The following MROH1 variants were observed in gnomAD, a reference collection of about 807,000 sequenced individuals.
MROH1 encodes the protein maestro heat-like repeat-containing protein family member 1.
MROH1 carries 117 observed loss-of-function variants against 116.5 expected under a neutral mutation model. That is an observed-to-expected ratio of 1.00 (90% CI 0.86 to 1.17). MROH1 has a LOEUF of 1.17. MROH1 is among the 50% of genes most tolerant of loss of function. The pLI, the probability that MROH1 is intolerant of heterozygous loss-of-function variation, is 0.00. For synonymous variants in MROH1, 921 were observed against 583.9 expected (o/e 1.58, Z -8.32); for missense variants, 1,873 against 1,338.5 (o/e 1.40, Z -6.23).
rs1172765117 is a variant in MROH1, at chr8:144,258,296, G to A, written c.3792-481G>A. Reference sequence around the variant, plus strand: ...CTCCAGCTCTCGGCACCATCCTCCCGCTCACTTGCCAGCCAGCCTCAGCCG... The same window carrying A: ...CTCCAGCTCTCGGCACCATCCTCCCACTCACTTGCCAGCCAGCCTCAGCCG... On this transcript the variant is annotated intron_variant, in intron 35 of 43. Coordinates refer to ENST00000326134, the MANE Select transcript of MROH1 (RefSeq NM_032450.3). Among the ~76,000 whole-genome samples, 11 of 152,276 alleles carry A rather than the reference G, an allele frequency of 7.2e-5. No homozygotes were observed. In the South Asian group the frequency reaches 8.3e-4, roughly 11 times the overall value.
intron 7 of MROH1, among the ~76,000 whole-genome samples, chr8:144,181,996 A>T (rs1001321360): frequency 3.3e-5 from 5 of 152,186 alleles, no homozygotes; most frequent in African/African-American, 1.2e-4. Flanking sequence ...TCCATGTGTC[A>T]AACACATGGG....
intron 7 of MROH1, among the ~76,000 whole-genome samples, chr8:144,189,103 A>C (rs968524445): frequency 6.6e-6 from 1 of 152,228 alleles, no homozygotes; most frequent in Non-Finnish European, 1.5e-5. Context: ...TGTGCTTTGG[A>C]GCAGGGCCTG....
chr8:144,148,760 G>C (rs1297647366), intron 1 of MROH1: 2 of 152,780 alleles, frequency 1.3e-5, no homozygotes, highest in Non-Finnish European at 2.9e-5. Flanking sequence ...TGCAGCTGCA[G>C]TGTGAGGGTC....
At chr8:144,188,307 C>T (rs1196350249) in intron 7 of MROH1, among the ~76,000 whole-genome samples, 1 of 152,132 alleles carries the variant, frequency 6.6e-6, no homozygotes, top group African/African-American at 2.4e-5. Flanking sequence ...AAAGGCTCAC[C>T]CATGGCCCTG....
At chr8:144,213,013 A>T (rs1834490926) in intron 12 of MROH1, 1 of 779,188 alleles carries the variant, frequency 1.3e-6, no homozygotes, top group South Asian at 1.3e-5. Flanking sequence ...ACACCAGAAT[A>T]ACACTGATGT....
In MROH1 at chr8:144,250,235, G is replaced by T; in HGVS notation, c.3297G>T (p.Leu1099=). 1 of 767,988 alleles carries T rather than the reference G, an allele frequency of 1.3e-6. No individual in the cohort carries two copies. 47.6% of individuals were successfully genotyped at this position (767,988 alleles called of 1,614,324 possible). ...AGGTGCCCGAGATCGTGAGCGTCCT[G>T]CGCTCCAAGCTTCAGGAGGCCCAGG... ...QEKVPEIVSV[L]RSKLQEAQGE... is the part of the protein sequence containing the mutation. Residue 1099 remains leucine, a synonymous_variant, in exon 33 of 44, where the codon CTG becomes CTT. Coordinates refer to ENST00000326134, the MANE Select transcript of MROH1 (RefSeq NM_032450.3).
chr8:144,260,654 C>A, intron 39 of MROH1, 23 bp from the exon 40 acceptor site: 1 of 776,854 alleles, frequency 1.3e-6, no homozygotes, highest in Non-Finnish European at 2.4e-6. Context: ...TGTGAGGAGA[C>A]GTATGCTGCA....
Position 144,218,477 on chromosome 8 carries a change from T to C in MROH1, c.1142-2123T>C, listed in dbSNP as rs564887906. ...GTTGCGTGGGTGTTGGCCCTTGAGA[T>C]TTTTTTTCACATCTTTCGTCTTTCT... On this transcript the variant is annotated intron_variant, in intron 12 of 43. Coordinates refer to ENST00000326134, the MANE Select transcript of MROH1 (RefSeq NM_032450.3). Among the ~76,000 whole-genome samples the C allele has an allele frequency of 5.3e-5, 8 of 151,710 alleles. No individual in the cohort carries two copies. The South Asian group carries it at 1.7e-3, about 32-fold the overall frequency.
intron 28 of MROH1, among the ~76,000 whole-genome samples, chr8:144,244,904 C>G (rs2133017616): frequency 6.6e-6 from 1 of 152,318 alleles, no homozygotes; most frequent in South Asian, 2.1e-4. Flanking sequence ...TCCACCCTGT[C>G]CCTCCACAGT....
rs1843605619 is a variant in MROH1 at position 144,255,670 on chromosome 8, T to G, written c.3756T>G (p.Ser1252Arg). ...NLQAQERRGA[S>R]PALATRNLEP... ...AGGCCCAGGAAAGGAGGGGTGCCAG[T>G]CCAGCCCTAGCCACCAGGAACCTGG... The change falls in exon 35 of 44, where the codon AGT becomes AGG. Residue 1252 changes from serine (S) to arginine (R), a missense_variant. Physicochemically the swap from Ser to Arg is moderately radical, Grantham distance 110. Transcript: ENST00000326134. 1 of 766,542 alleles carries G rather than the reference T, an allele frequency of 1.3e-6. No homozygotes were observed. The allele number at this position is 766,542 out of a possible 1,614,324, so 47.5% of individuals were successfully genotyped here. A position where few individuals can be genotyped will look rare whatever the true frequency, so the allele number is the denominator to read the frequency against.
intron 29 of MROH1, among the ~76,000 whole-genome samples, chr8:144,245,889 G>A (rs1185520875): frequency 6.6e-6 from 1 of 151,990 alleles, no homozygotes; most frequent in South Asian, 2.1e-4. Flanking sequence ...TTGAACTCTT[G>A]GGCTCAAGTG....
chr8:144,229,505 G>T (rs1838434700), intron 14 of MROH1, among the ~76,000 whole-genome samples: 3 of 150,436 alleles, frequency 2.0e-5, no homozygotes, highest in African/African-American at 7.4e-5. Flanking sequence ...TCACCCTCCT[G>T]AGTAGCTGGG....
At chr8:144,217,484 G>A (rs1302844823) in intron 12 of MROH1, among the ~76,000 whole-genome samples, 1 of 152,216 alleles carries the variant, frequency 6.6e-6, no homozygotes, top group Non-Finnish European at 1.5e-5. Flanking sequence ...AATCATTTCA[G>A]ATAAGGGAAT....
intron 14 of MROH1, among the ~76,000 whole-genome samples, chr8:144,230,150 C>G (rs1353874414): frequency 6.6e-6 from 1 of 152,174 alleles, no homozygotes; most frequent in African/African-American, 2.4e-5. Flanking sequence ...GAGATGGCTT[C>G]TTTCCTTAAC....
intron 12 of MROH1, chr8:144,200,856 C>G (rs1188269005): frequency 6.1e-6 from 2 of 328,106 alleles, no homozygotes; most frequent in Non-Finnish European, 1.2e-5. Context: ...CCTGAGCCCA[C>G]TGCTCTAGCT....
intron 12 of MROH1, among the ~76,000 whole-genome samples, chr8:144,216,927 A>C (rs1322096247): frequency 6.6e-6 from 1 of 152,018 alleles, no homozygotes; most frequent in African/African-American, 2.4e-5. Context: ...TGACCTCCTG[A>C]TCCATCCGCC....
chr8:144,246,316 C>A (rs1841919796), intron 29 of MROH1, among the ~76,000 whole-genome samples: 2 of 151,802 alleles, frequency 1.3e-5, no homozygotes, highest in African/African-American at 2.4e-5. Flanking sequence ...ATCCTGTTGG[C>A]CTTGAACTGG....
chr8:144,159,765 A>ATT (rs1161961224), intron 1 of MROH1, among the ~76,000 whole-genome samples: 2,382 of 123,678 alleles, frequency 0.019, 88 homozygotes, highest in Middle Eastern at 0.028. Flanking sequence ...ACGCCTGGTA[A>ATT]TTTTTTTTTT....
At position 144,259,972 on chromosome 8, in the gene MROH1, C is replaced by T. The variant is rs889028260; in HGVS notation, c.4106C>T (p.Ala1369Val). ...MLLDSLLESL[A>V]ARQKDTCASV... ...TTGGACTCGCTGCTGGAGAGCCTGG[C>T]GGCTCGCCAGAAGGACACATGCGCC... The change falls in exon 38 of 44, where the codon GCG (alanine) becomes GTG (valine). Residue 1369 changes from alanine to valine, a missense_variant. Ala to Val is a moderately conservative substitution (Grantham distance 64). Coordinates refer to ENST00000326134, the MANE Select transcript of MROH1 (RefSeq NM_032450.3). The T allele has an allele frequency of 9.3e-5, 69 of 740,336 alleles. No individual in the cohort carries two copies. The highest frequency in any genetic ancestry group is 1.4e-4 in the Non-Finnish European group (55 of 399,574). 45.9% of individuals were successfully genotyped at this position (740,336 alleles called of 1,614,324 possible). A position where few individuals can be genotyped will look rare whatever the true frequency, so the allele number is the denominator to read the frequency against.
Sources: gnomAD v4.1 joint callset for allele counts (sites outside exome capture counted in the v4.1 genomes callset) on GRCh38, gnomAD v4.1.1 for gene constraint, MANE v1.5 for transcripts, NCBI Gene and HGNC (gene_info 2026-07-23, HGNC 2026-07-21) for gene names.